SCARA5: variants seen among roughly 807,000 people sequenced by gnomAD.
SCARA5 encodes scavenger receptor class A, member 5 (putative).
SCARA5 carries 45 observed loss-of-function variants against 46.3 expected under a neutral mutation model. The ratio of observed to expected loss-of-function variants is 0.97; its 90% CI spans 0.76 to 1.24. The LOEUF (loss-of-function observed/expected upper bound fraction) is 1.24. Ranked by LOEUF, SCARA5 falls within the 50% of genes most tolerant of loss-of-function variation. SCARA5 has a pLI of 0.00. For missense variants in SCARA5, 680 were observed against 689.0 expected (o/e 0.99, Z 0.15); for synonymous variants, 333 against 306.5 (o/e 1.09, Z -0.90).
chr8:27,936,274 G>T (rs1351500897), intron 3 of SCARA5, among the ~76,000 whole-genome samples: 1 of 152,040 alleles, frequency 6.6e-6, no homozygotes, highest in Non-Finnish European at 1.5e-5. Flanking sequence ...GCTGGCCCTG[G>T]TCACTTCAGA....
At chr8:27,960,924 C>G (rs1056697043) in intron 3 of SCARA5, among the ~76,000 whole-genome samples, 2 of 152,146 alleles carry the variant, frequency 1.3e-5, no homozygotes, top group African/African-American at 4.8e-5. Context: ...TTGTGTAGGT[C>G]ATGGTAAAAA....
At chr8:27,906,659 C>G (rs946644075) in intron 6 of SCARA5, among the ~76,000 whole-genome samples, 5 of 152,232 alleles carry the variant, frequency 3.3e-5, no homozygotes, top group African/African-American at 1.2e-4. Flanking sequence ...CTCCTCCTGA[C>G]AGCCCTGTGA....
intron 4 of SCARA5, among the ~76,000 whole-genome samples, chr8:27,920,625 ACC>A (rs1491397563): frequency 8.0e-4 from 116 of 145,042 alleles, no homozygotes; most frequent in Middle Eastern, 3.5e-3. Flanking sequence ...AAAAAAAAAA[ACC>A]AAAACAAAAC....
chr8:27,937,291 G>T (rs1239315982), intron 3 of SCARA5, among the ~76,000 whole-genome samples: 1 of 152,078 alleles, frequency 6.6e-6, no homozygotes, highest in Non-Finnish European at 1.5e-5. Flanking sequence ...GCACGTGTGG[G>T]ACTTCTCAGA....
chr8:27,947,037 A>AGTCTCGCTCTGTCACCCAGGCT (rs1273574978), intron 3 of SCARA5, among the ~76,000 whole-genome samples: 15 of 129,418 alleles, frequency 1.2e-4, no homozygotes, highest in Non-Finnish European at 1.6e-5. Context: ...TTTGAGAGGG[A>AGTCTCGCTCTGTCACCCAGGCT]GTCTCGCTCT....
chr8:27,888,489 T>C (rs1337938391), intron 7 of SCARA5, among the ~76,000 whole-genome samples: 1 of 152,232 alleles, frequency 6.6e-6, no homozygotes, highest in African/African-American at 2.4e-5. Context: ...CATCCATGTC[T>C]TGATTTAGAA....
At chr8:27,922,301 G>T in intron 3 of SCARA5, 56 bp from the exon 4 acceptor site, 1 of 1,306,004 alleles carries the variant, frequency 7.7e-7, no homozygotes, top group Non-Finnish European at 1.0e-6. Context: ...GGCCCCGGGT[G>T]ACAAGAGGCG....
In SCARA5 at chr8:27,983,526, G is replaced by T. The variant is rs117921214; in HGVS notation, c.112+3978C>A. Among the ~76,000 whole-genome samples, 276 of 152,322 alleles carry T rather than the reference G, an allele frequency of 1.8e-3. 5 individuals are homozygous for T. In the East Asian group the frequency reaches 0.024, roughly 13 times the overall value. On this transcript the variant is annotated intron_variant, in intron 2 of 8. Transcript: ENST00000354914. ...TCCTGGGAAGGAGCCTGCATCTCAG[G>T]TAAGGAGACTCAGAGTCCGGTTCCA...
chr8:27,933,521 TAA>T (rs10660825), intron 3 of SCARA5, among the ~76,000 whole-genome samples: 1 of 130,952 alleles, frequency 7.6e-6, no homozygotes. Context: ...GACTCCATCT[TAA>T]AAAAAAAAAA....
chr8:27,940,901 A>G lies in SCARA5; in HGVS notation c.242-18656T>C, dbSNP rs185545208. On this transcript the variant is annotated intron_variant, in intron 3 of 8. Transcript: ENST00000354914. Reference sequence around the variant, plus strand: ...CACTGAGAGCAAGAGTTACTTTGAAAGATTAATTGGGCCTAGAGTATTTTG... The same window carrying G: ...CACTGAGAGCAAGAGTTACTTTGAAGGATTAATTGGGCCTAGAGTATTTTG... 3.2e-3 allele frequency among the ~76,000 whole-genome samples: 492 copies of G among 152,246 alleles called. 3 individuals are homozygous for G. Among genetic ancestry groups the G allele is most frequent in the African/African-American group, 0.011 (450 of 41,536 alleles).
chr8:27,917,982 C>T (rs1807489952), intron 4 of SCARA5, among the ~76,000 whole-genome samples: 1 of 152,178 alleles, frequency 6.6e-6, no homozygotes, highest in African/African-American at 2.4e-5. Flanking sequence ...CTCTGATCGT[C>T]CAGTGTCAAG....
rs759024218 is a variant in SCARA5, at chr8:27,921,965, C to A, written c.522G>T (p.Thr174=). 1 of 1,540,950 alleles carries A rather than the reference C, an allele frequency of 6.5e-7. No homozygotes were observed. Among genetic ancestry groups the A allele is most frequent in the Admixed American group, 1.9e-5 (1 of 52,472 alleles). The stretch of plus-strand genomic sequence containing the variant: ...GCTGCGCCGTGTCGCTCTGCTGGCC[C>A]GTGCGGTCCCGCAGCAGGGCCACCG... ...EQAVALLRDR[T]GQQSDTAQLE... is the part of the protein sequence containing the mutation. The change falls in exon 4 of 9, where the codon ACG becomes ACT. Residue 174 remains threonine, a synonymous_variant. Transcript: ENST00000354914.
intron 7 of SCARA5, among the ~76,000 whole-genome samples, chr8:27,886,603 A>G (rs920816695): frequency 6.6e-6 from 1 of 152,166 alleles, no homozygotes; most frequent in African/African-American, 2.4e-5. Flanking sequence ...CCTTTCCCAG[A>G]GCTGAGCAAT....
chr8:27,912,299 A>G (rs1461877923), intron 4 of SCARA5, among the ~76,000 whole-genome samples: 2 of 152,268 alleles, frequency 1.3e-5, no homozygotes, highest in Non-Finnish European at 1.5e-5. Flanking sequence ...ATTGAGATGT[A>G]CTGATAACTC....
chr8:27,879,448 T>G, intron 8 of SCARA5, 121 bp downstream of exon 8: 2 of 921,708 alleles, frequency 2.2e-6, no homozygotes, highest in Non-Finnish European at 3.4e-6. Context: ...GCAGCAAGCA[T>G]TTGGGGAGAG....
intron 3 of SCARA5, among the ~76,000 whole-genome samples, chr8:27,939,608 G>A (rs1175020659): frequency 6.6e-6 from 1 of 152,158 alleles, no homozygotes; most frequent in Non-Finnish European, 1.5e-5. Flanking sequence ...GAAGCCTCTT[G>A]TCCTGGGTCA....
chr8:27,967,125 G>A (rs1240884948), intron 2 of SCARA5, among the ~76,000 whole-genome samples: 10 of 152,162 alleles, frequency 6.6e-5, no homozygotes, highest in African/African-American at 1.2e-4. Flanking sequence ...CAAAACACTG[G>A]GGAGTGTAAA....
At chr8:27,947,692 G>A (rs1198299733) in intron 3 of SCARA5, among the ~76,000 whole-genome samples, 5 of 142,936 alleles carry the variant, frequency 3.5e-5, no homozygotes, top group African/African-American at 7.8e-5. Flanking sequence ...TGAACATGGC[G>A]AAACCGTGTC....
rs1355028333 is a variant in SCARA5, at chr8:27,992,397, T to G, written c.-156A>C. The G allele has an allele frequency of 1.3e-5, 2 of 152,346 alleles. No individual in the cohort carries two copies. The highest frequency in any genetic ancestry group is 3.9e-4 in the East Asian group (2 of 5,168). 9.4% of individuals were successfully genotyped at this position (152,346 alleles called of 1,614,324 possible). ...GTCCCCACAGCCAGCCAAATCCAGA[T>G]GGAGTCATAGAAAGGGGCTGCAGGG... On this transcript the variant is annotated 5_prime_UTR_variant, in exon 1 of 9. Transcript: ENST00000354914.
Sources: allele counts gnomAD v4.1 joint callset (sites outside exome capture counted in the v4.1 genomes callset), GRCh38; gene constraint gnomAD v4.1.1; transcripts MANE v1.5; gene names NCBI Gene and HGNC (gene_info 2026-07-23, HGNC 2026-07-21).